The following AHCTF1 variants were observed in gnomAD, a reference collection of about 807,000 sequenced individuals.
The protein encoded by AHCTF1 is protein ELYS.
A neutral mutation model predicts 248.4 loss-of-function variants in AHCTF1; 24 were observed. That is an observed-to-expected ratio of 0.10 (90% confidence interval 0.07 to 0.14). AHCTF1 has a LOEUF of 0.14. AHCTF1 is among the 10% of genes least tolerant of loss of function. The pLI is 1.00. For synonymous variants in AHCTF1, 786 were observed against 929.8 expected (o/e 0.85, Z 2.81); for missense variants, 2,206 against 2,636.2 (o/e 0.84, Z 3.57).
intron 23 of AHCTF1, 21 bp downstream of exon 23, chr1:246,876,929 A>G (rs375441020): frequency 1.9e-6 from 3 of 1,610,542 alleles, no homozygotes; most frequent in Non-Finnish European, 2.5e-6. Flanking sequence ...ATCCCCCATA[A>G]TAAGACAACT....
intron 31 of AHCTF1, among the ~76,000 whole-genome samples, chr1:246,854,137 A>C (rs1312342713): frequency 6.6e-6 from 1 of 152,054 alleles, no homozygotes; most frequent in Non-Finnish European, 1.5e-5. Flanking sequence ...GTCTCCACTA[A>C]AAATACAAAA....
At chr1:246,900,612 TTGTA>T in intron 8 of AHCTF1, 143 bp from the exon 9 acceptor site, 1 of 929,182 alleles carries the variant, frequency 1.1e-6, no homozygotes, top group African/African-American at 1.7e-5. Flanking sequence ...TTTCTATCAT[TTGTA>T]TGTAAGACCA....
At position 246,931,123 on chromosome 1, in the gene AHCTF1, A is replaced by G. The variant is rs891785616; in HGVS notation, c.-8+455T>C. 3.2e-5 allele frequency: 50 copies of G among 1,549,054 alleles called. 2 individuals carry two copies. The Admixed American group carries it at 9.5e-4, about 29-fold the overall frequency. ...GTCCAACTTCTTCCCCGCCAGGACT[A>G]CTCACTGTGGCCAGGCCCAAGCGCA... On this transcript the variant is annotated intron_variant, in intron 1 of 35. Transcript: ENST00000648844.
At chr1:246,859,167 AAAGAT>A (rs1661336190) in intron 29 of AHCTF1, among the ~76,000 whole-genome samples, 1 of 152,270 alleles carries the variant, frequency 6.6e-6, no homozygotes, top group Non-Finnish European at 1.5e-5. Flanking sequence ...CTTACTAAGT[AAAGAT>A]ATCGTAGTCC....
At chr1:246,870,966 G>A (rs1003310054) in intron 24 of AHCTF1, among the ~76,000 whole-genome samples, 3 of 152,100 alleles carry the variant, frequency 2.0e-5, no homozygotes, top group Admixed American at 2.0e-4. Flanking sequence ...CTGAGCCTTC[G>A]AAAAACTAAA....
At chr1:246,849,454 T>C (rs1015785258) in intron 33 of AHCTF1, among the ~76,000 whole-genome samples, 161 bp downstream of exon 33, 3 of 152,348 alleles carry the variant, frequency 2.0e-5, no homozygotes, top group Middle Eastern at 3.4e-3. Flanking sequence ...AACTCAAACT[T>C]TGAAACATGA....
intron 14 of AHCTF1, among the ~76,000 whole-genome samples, chr1:246,894,121 T>C (rs1360852719): frequency 1.3e-5 from 2 of 152,128 alleles, no homozygotes; most frequent in Admixed American, 6.5e-5. Context: ...GGAGGATGAC[T>C]TGGGCTCAAA....
intron 31 of AHCTF1, among the ~76,000 whole-genome samples, chr1:246,855,136 T>C (rs1264819331): frequency 6.6e-6 from 1 of 152,228 alleles, no homozygotes; most frequent in Non-Finnish European, 1.5e-5. Flanking sequence ...TATGTCATAG[T>C]ATAGTGCTGT....
At chr1:246,930,886 CAG>C (rs1275657660) in intron 1 of AHCTF1, among the ~76,000 whole-genome samples, 1 of 152,164 alleles carries the variant, frequency 6.6e-6, no homozygotes, top group East Asian at 1.9e-4. Flanking sequence ...ACTTTGCACA[CAG>C]ATAGTATGAA....
At chr1:246,880,693 CAG>C (rs1175820424) in intron 21 of AHCTF1, among the ~76,000 whole-genome samples, 2 of 151,666 alleles carry the variant, frequency 1.3e-5, no homozygotes, top group Admixed American at 6.6e-5. Context: ...ATAATATAGA[CAG>C]TATTTTTAAC....
intron 4 of AHCTF1, among the ~76,000 whole-genome samples, chr1:246,911,105 CT>C (rs983408444): frequency 6.6e-6 from 1 of 152,168 alleles, no homozygotes; most frequent in African/African-American, 2.4e-5. Flanking sequence ...AGAAATGGTT[CT>C]GATCACAATC....
At chr1:246,879,599 G>A (rs1007352261) in intron 21 of AHCTF1, among the ~76,000 whole-genome samples, 4 of 152,014 alleles carry the variant, frequency 2.6e-5, no homozygotes, top group African/African-American at 9.7e-5. Flanking sequence ...CGAGACAGGT[G>A]GATCAATCAT....
chr1:246,913,913 T>C (rs943565562), intron 3 of AHCTF1, among the ~76,000 whole-genome samples: 10 of 152,226 alleles, frequency 6.6e-5, no homozygotes, highest in African/African-American at 1.4e-4. Flanking sequence ...AAAAATTTAC[T>C]GTTTACTCTT....
intron 27 of AHCTF1, 24 bp from the exon 28 acceptor site, chr1:246,862,177 T>C: frequency 6.3e-7 from 1 of 1,588,104 alleles, no homozygotes; most frequent in Middle Eastern, 1.7e-4. Flanking sequence ...CAAATGGAAT[T>C]ACACCATTAA....
chr1:246,909,354 T>A (rs1018484311), intron 4 of AHCTF1, among the ~76,000 whole-genome samples: 1 of 130,634 alleles, frequency 7.7e-6, no homozygotes, highest in Non-Finnish European at 1.5e-5. Flanking sequence ...GAGGCAGAGG[T>A]TGCAGTGAGC....
chr1:246,919,128 A>G (rs1337256525), intron 1 of AHCTF1, among the ~76,000 whole-genome samples: 1 of 152,314 alleles, frequency 6.6e-6, no homozygotes, highest in Non-Finnish European at 1.5e-5. Context: ...TAGCCATCTG[A>G]GTTGGTTAGC....
chr1:246,907,259 A>C (rs1244852718), intron 5 of AHCTF1, among the ~76,000 whole-genome samples: 1 of 152,208 alleles, frequency 6.6e-6, no homozygotes, highest in Non-Finnish European at 1.5e-5. Flanking sequence ...TTGTTGACCA[A>C]AACGTTGTAA....
chr1:246,847,866 T>C (rs1333062392), intron 33 of AHCTF1, among the ~76,000 whole-genome samples: 1 of 152,192 alleles, frequency 6.6e-6, no homozygotes, highest in Non-Finnish European at 1.5e-5. Flanking sequence ...CTCCAGGTCC[T>C]GAGGAGTGTA....
intron 1 of AHCTF1, among the ~76,000 whole-genome samples, chr1:246,929,949 G>C (rs1453573836): frequency 1.3e-5 from 2 of 152,112 alleles, no homozygotes. Context: ...CTACTCAGGA[G>C]GCTGAGGCAG....
Sources: gnomAD v4.1 joint callset for allele counts (sites outside exome capture counted in the v4.1 genomes callset) on GRCh38, gnomAD v4.1.1 for gene constraint, MANE v1.5 for transcripts, NCBI Gene and HGNC (gene_info 2026-07-23, HGNC 2026-07-21) for gene names.